Variants in ZGLP1 observed in about 807,000 individuals in gnomAD.
The protein encoded by ZGLP1 is zinc finger GATA like protein 1, also known as GATA-type zinc finger protein 1.
In ZGLP1, 11 loss-of-function variants were observed where a neutral mutation model predicts 21.4. The observed-to-expected ratio is 0.51, with a 90% confidence interval of 0.32 to 0.85. The LOEUF is 0.85. Among genes scored for constraint, ZGLP1 ranks in the 40% least tolerant of loss-of-function variants. ZGLP1 has a pLI of 0.03. For synonymous variants in ZGLP1, 148 were observed against 145.0 expected, an observed-to-expected ratio of 1.02 and a Z score of -0.15; for missense variants, 295 against 355.6, an observed-to-expected ratio of 0.83 and a Z score of 1.37.
rs1400424165 is a variant in ZGLP1, at chr19:10,305,043, C to T, written c.*48G>A. 31 of 1,447,266 alleles carry T rather than the reference C, an allele frequency of 2.1e-5. No homozygotes were observed. The highest frequency in any genetic ancestry group is 3.0e-5 in the Non-Finnish European group (31 of 1,030,692). 89.7% of individuals were successfully genotyped at this position (1,447,266 alleles called of 1,614,324 possible). A position where few individuals can be genotyped will look rare whatever the true frequency, so the allele number is the denominator to read the frequency against. ...AGAGCTGCTTCTGCCCATTCTCCCA[C>T]TGGTGAAACGGAGGCAGAAGCAGCA... On this transcript the variant is annotated 3_prime_UTR_variant, in exon 4 of 4. Transcript: ENST00000403903. This position sits in a 1 kb window ranked among gnomAD's most constrained non-coding sequence, Gnocchi z 4.7.
chr19:10,305,927 C>A lies in ZGLP1; in HGVS notation c.523G>T (p.Glu175Ter). 6.4e-7 allele frequency: 1 copy of A among 1,563,948 alleles called. No individual in the cohort carries two copies. Among genetic ancestry groups the A allele is most frequent in the African/African-American group, 1.4e-5 (1 of 74,008 alleles). The stretch of plus-strand genomic sequence containing the variant: ...CCCCCAACAGCATCTGCAGGGGATT[C>A]CTGAGAACGGCTACTGCAGGGCAGG... Residue 175 changes from glutamate (E) to a stop codon, truncating the protein, a stop_gained, in exon 2 of 4, where the codon GAA (glutamate) becomes TAA (stop). Coordinates refer to ENST00000403903, the Ensembl canonical transcript of ZGLP1. LOFTEE classifies it high-confidence loss of function. This position sits in a 1 kb window ranked among gnomAD's most constrained non-coding sequence, Gnocchi z 4.7.
exon 1 of ZGLP1, chr19:10,309,501 C>G (rs948491911): frequency 3.9e-5 from 6 of 152,840 alleles, no homozygotes; most frequent in Admixed American, 2.0e-4. Context: ...CCCAGCCCAG[C>G]CCCCTCCCTA....
exon 4 of ZGLP1, chr19:10,304,835 C>T: frequency 1.9e-6 from 1 of 539,350 alleles, no homozygotes; most frequent in Non-Finnish European, 3.3e-6. Flanking sequence ...ATTGTCCCTG[C>T]TGTAACAATG....
Position 10,305,824 on chromosome 19 carries a change from C to T in ZGLP1, c.604+22G>A. ...AAATTGGCCCCCAAAATATTTATAG[C>T]TCTTGGGTTTTCAGGACTCACCCAG... On this transcript the variant is annotated intron_variant, in intron 2 of 3. Transcript: ENST00000403903. This position sits in a 1 kb window ranked among gnomAD's most constrained non-coding sequence, Gnocchi z 4.7. 6.5e-7 allele frequency: 1 copy of T among 1,530,828 alleles called. No individual in the cohort carries two copies. The highest frequency in any genetic ancestry group is 8.9e-7 in the Non-Finnish European group (1 of 1,127,882). The allele number at this position is 1,530,828 out of a possible 1,614,324, so 94.8% of individuals were successfully genotyped here.
At position 10,305,862 on chromosome 19, in the gene ZGLP1, T is replaced by G. The variant is rs1315328084; in HGVS notation, c.588A>C (p.Ala196=). The change falls in exon 2 of 4, where the codon GCA becomes GCC. Residue 196 remains alanine, a synonymous_variant. Transcript: ENST00000403903. The surrounding 1 kb of genome is among the most constrained non-coding windows in gnomAD (Gnocchi z 4.7). ...AGGACTCACCCAGGGCCTCGCTGCC[T>G]GCTGAGTGGGCCTCGGTGCCTCCTG... is the stretch of plus-strand genomic sequence containing the variant. 1.9e-6 allele frequency: 3 copies of G among 1,556,702 alleles called. No individual in the cohort carries two copies. Among genetic ancestry groups the G allele is most frequent in the Non-Finnish European group, 2.6e-6 (3 of 1,149,238 alleles).
Position 10,305,783 on chromosome 19 carries a change from AG to A in ZGLP1, c.604+62del. The stretch of plus-strand genomic sequence containing the variant: ...ATGGAGAAGGGGGGGGCAGGGAGAA[AG>A]GCAGGGAAGACAGGAAATTGGCCCC... On this transcript the variant is annotated intron_variant, in intron 2 of 3. Transcript: ENST00000403903. This position sits in a 1 kb window ranked among gnomAD's most constrained non-coding sequence, Gnocchi z 4.7. 7.6e-7 allele frequency: 1 copy of A among 1,312,394 alleles called. No individual in the cohort carries two copies. Among genetic ancestry groups the A allele is most frequent in the East Asian group, 2.5e-5 (1 of 39,908 alleles). 81.3% of individuals were successfully genotyped at this position (1,312,394 alleles called of 1,614,324 possible). A position where few individuals can be genotyped will look rare whatever the true frequency, so the allele number is the denominator to read the frequency against.
At position 10,305,221 on chromosome 19, in the gene ZGLP1, G is replaced by A. The variant is rs1270072711; in HGVS notation, c.699-13C>T. The A allele has an allele frequency of 7.4e-6, 12 of 1,611,350 alleles. No homozygotes were observed. In the East Asian group the frequency reaches 8.9e-5, roughly 12 times the overall value. On this transcript the variant is annotated splice_polypyrimidine_tract_variant and intron_variant, in intron 3 of 3. Coordinates refer to ENST00000403903, the Ensembl canonical transcript of ZGLP1. This position sits in a 1 kb window ranked among gnomAD's most constrained non-coding sequence, Gnocchi z 4.7. ...GTATTTCTTGTACCTAGGGTTGGGG[G>A]ACAAGAAACTGCCATTTAGGATGCA...
In ZGLP1 at chr19:10,308,141, T is replaced by C. The variant is rs1209439472; in HGVS notation, c.497+44A>G. 7 of 1,507,722 alleles carry C rather than the reference T, an allele frequency of 4.6e-6. No individual in the cohort carries two copies. The South Asian group carries it at 9.3e-5, about 20-fold the overall frequency. 93.4% of individuals were successfully genotyped at this position (1,507,722 alleles called of 1,614,324 possible). On this transcript the variant is annotated intron_variant, in intron 1 of 3. Coordinates refer to ENST00000403903, the Ensembl canonical transcript of ZGLP1. ...CCTACCTCCCACACTGGTGTTTGCGTTGTAACTGGGAGAAAGGGCGGCCTG... is the reference window on the plus strand; with the variant it reads ...CCTACCTCCCACACTGGTGTTTGCGCTGTAACTGGGAGAAAGGGCGGCCTG...
chr19:10,308,784 T>G, exon 1 of ZGLP1: 1 of 1,161,310 alleles, frequency 8.6e-7, no homozygotes, highest in Non-Finnish European at 1.1e-6. Flanking sequence ...AATCAACCCC[T>G]TACGGCACCC....
In ZGLP1 at chr19:10,305,857, C is replaced by T. The variant is rs1028635227; in HGVS notation, c.593G>A (p.Ser198Asn). ...TTTTCAGGACTCACCCAGGGCCTCG[C>T]TGCCTGCTGAGTGGGCCTCGGTGCC... The change falls in exon 2 of 4, where the codon AGC becomes AAC. Residue 198 changes from serine to asparagine, a missense_variant. Physicochemically the swap from Ser to Asn is conservative, Grantham distance 46. Coordinates refer to ENST00000403903, the Ensembl canonical transcript of ZGLP1. The surrounding 1 kb of genome is among the most constrained non-coding windows in gnomAD (Gnocchi z 4.7). 6.4e-7 allele frequency: 1 copy of T among 1,555,142 alleles called. No homozygotes were observed. Among genetic ancestry groups the T allele is most frequent in the Non-Finnish European group, 8.7e-7 (1 of 1,148,446 alleles).
chr19:10,305,667 G>A lies in ZGLP1; in HGVS notation c.604+179C>T, dbSNP rs757380016. The A allele has an allele frequency of 2.1e-4, 154 of 740,558 alleles. 1 individual carries two copies. In the East Asian group the frequency reaches 3.6e-3, roughly 17 times the overall value. The allele number at this position is 740,558 out of a possible 1,614,324, so 45.9% of individuals were successfully genotyped here. On this transcript the variant is annotated intron_variant, in intron 2 of 3. Coordinates refer to ENST00000403903, the Ensembl canonical transcript of ZGLP1. This position sits in a 1 kb window ranked among gnomAD's most constrained non-coding sequence, Gnocchi z 4.7. ...GAAGGGAGACAGATGGCAGCATTCC[G>A]CAGAGGAGGAAGCTGGGGGTGGGGG...
chr19:10,304,824 T>A (rs2040269709), exon 4 of ZGLP1: 1 of 512,072 alleles, frequency 2.0e-6, no homozygotes, highest in African/African-American at 1.9e-5. Flanking sequence ...CTCTGTACTT[T>A]ATTGTCCCTG....
At position 10,305,302 on chromosome 19, in the gene ZGLP1, T is replaced by G; in HGVS notation, c.698+88A>C. ...CACTTTTCCCAAGAGGTAGGTGTTTTGCTTTTTGCTTTCCCCACAGGCCAT... is the reference window on the plus strand; with the variant it reads ...CACTTTTCCCAAGAGGTAGGTGTTTGGCTTTTTGCTTTCCCCACAGGCCAT... On this transcript the variant is annotated intron_variant, in intron 3 of 3. Transcript: ENST00000403903. The surrounding 1 kb of genome is among the most constrained non-coding windows in gnomAD (Gnocchi z 4.7). 1.3e-6 allele frequency: 2 copies of G among 1,550,536 alleles called. No homozygotes were observed. Among genetic ancestry groups the G allele is most frequent in the Non-Finnish European group, 1.8e-6 (2 of 1,134,882 alleles).
chr19:10,305,832 T>G lies in ZGLP1; in HGVS notation c.604+14A>C. On this transcript the variant is annotated intron_variant, in intron 2 of 3. Transcript: ENST00000403903. This position sits in a 1 kb window ranked among gnomAD's most constrained non-coding sequence, Gnocchi z 4.7. ...CCCCAAAATATTTATAGCTCTTGGG[T>G]TTTCAGGACTCACCCAGGGCCTCGC... 6.5e-7 allele frequency: 1 copy of G among 1,548,340 alleles called. No individual in the cohort carries two copies. The highest frequency in any genetic ancestry group is 8.7e-7 in the Non-Finnish European group (1 of 1,143,926).
At position 10,305,440 on chromosome 19, in the gene ZGLP1, G is replaced by T; in HGVS notation, c.648C>A (p.Leu216=). The stretch of plus-strand genomic sequence containing the variant: ...GGGTCCCATCTTCAGCGTCTCTCCA[G>T]AGCGGGGTCCTCTGGGTCCGACAGG... Residue 216 remains leucine, a synonymous_variant, in exon 3 of 4, where the codon CTC becomes CTA. Transcript: ENST00000403903. The surrounding 1 kb of genome is among the most constrained non-coding windows in gnomAD (Gnocchi z 4.7). 6.2e-7 allele frequency: 1 copy of T among 1,601,458 alleles called. No homozygotes were observed. The highest frequency in any genetic ancestry group is 2.3e-5 in the East Asian group (1 of 44,436).
intron 1 of ZGLP1, among the ~76,000 whole-genome samples, chr19:10,307,252 G>C (rs2040284619): frequency 6.6e-6 from 1 of 151,858 alleles, no homozygotes; most frequent in African/African-American, 2.4e-5. Context: ...TGCCCAGGCT[G>C]GTCTTGAACT....
chr19:10,306,560 C>T (rs1424309498), intron 1 of ZGLP1, among the ~76,000 whole-genome samples: 1 of 151,968 alleles, frequency 6.6e-6, no homozygotes, highest in Non-Finnish European at 1.5e-5. Flanking sequence ...AAATGGGCTT[C>T]CCAATACAAC....
chr19:10,305,221 G>C lies in ZGLP1; in HGVS notation c.699-13C>G. ...GTATTTCTTGTACCTAGGGTTGGGG[G>C]ACAAGAAACTGCCATTTAGGATGCA... On this transcript the variant is annotated splice_polypyrimidine_tract_variant and intron_variant, in intron 3 of 3. Transcript: ENST00000403903. This position sits in a 1 kb window ranked among gnomAD's most constrained non-coding sequence, Gnocchi z 4.7. 1 of 1,611,468 alleles carries C rather than the reference G, an allele frequency of 6.2e-7. No individual in the cohort carries two copies. Among genetic ancestry groups the C allele is most frequent in the Non-Finnish European group, 8.5e-7 (1 of 1,177,688 alleles).
intron 1 of ZGLP1, among the ~76,000 whole-genome samples, chr19:10,307,133 CA>C (rs143187985): frequency 0.023 from 2,284 of 97,922 alleles, 19 homozygotes; most frequent in Non-Finnish European, 0.032. Context: ...AACTCCATCT[CA>C]AAAAAAAAAA....
Sources: allele counts gnomAD v4.1 joint callset (sites outside exome capture counted in the v4.1 genomes callset), GRCh38; gene constraint gnomAD v4.1.1; non-coding constraint Gnocchi (gnomAD v3.1); transcripts MANE v1.5; gene names NCBI Gene and HGNC (gene_info 2026-07-23, HGNC 2026-07-21).